Variants in GALNT14 observed in about 807,000 individuals in gnomAD.
GALNT14 encodes polypeptide N-acetylgalactosaminyltransferase 14.
Under a neutral mutation model 77.5 loss-of-function variants are expected in GALNT14, and 60 were observed. The observed-to-expected ratio is 0.77, with a 90% CI of 0.63 to 0.96. The LOEUF (loss-of-function observed/expected upper bound fraction) is 0.96, where lower values mean the gene tolerates loss of function less well. GALNT14 is among the 40% of genes least tolerant of loss of function. The probability of loss-of-function intolerance (pLI) is 0.00; values close to 1 mark genes in which losing one functional copy is unlikely to be tolerated. For missense variants in GALNT14, 710 were observed against 731.0 expected, an observed-to-expected ratio of 0.97 and a Z score of 0.33; for synonymous variants, 280 against 281.7, an observed-to-expected ratio of 0.99 and a Z score of 0.06.
chr2:31,057,293 TTATATATA>T lies in GALNT14; in HGVS notation c.130-64294_130-64287del, dbSNP rs10638502. 4.9e-3 allele frequency among the ~76,000 whole-genome samples: 626 copies of T among 128,972 alleles called. 2 individuals are homozygous for T. The highest frequency in any genetic ancestry group is 0.032 in the Middle Eastern group (8 of 248). The allele number at this position is 128,972 out of a possible 152,430, so 84.6% of individuals were successfully genotyped here. On this transcript the variant is annotated intron_variant, in intron 1 of 14. Transcript: ENST00000349752. The stretch of plus-strand genomic sequence containing the variant: ...GCCCTATGAATCTAAAAAGTTGAAA[TTATATATA>T]TATATATATATATATAAAATTATAT...
the GALNT14 span, among the ~76,000 whole-genome samples, chr2:30,888,202 T>A: frequency 6.6e-6 from 1 of 152,222 alleles, no homozygotes; most frequent in Non-Finnish European, 1.5e-5. Context: ...GCCATCTGTC[T>A]GCACTCTAAG....
chr2:31,074,240 C>A (rs1558549461), intron 1 of GALNT14, among the ~76,000 whole-genome samples: 1 of 152,102 alleles, frequency 6.6e-6, no homozygotes, highest in Non-Finnish European at 1.5e-5. Flanking sequence ...CCTGATGGGT[C>A]CCACTCTGAG....
rs143887431 is a variant in GALNT14, at chr2:31,073,386, G to T, written c.129+64572C>A. Among the ~76,000 whole-genome samples, 419 of 152,000 alleles carry T rather than the reference G, an allele frequency of 2.8e-3. 9 individuals carry two copies. Among genetic ancestry groups the T allele is most frequent in the Non-Finnish European group, 6.8e-4 (46 of 67,994 alleles). On this transcript the variant is annotated intron_variant, in intron 1 of 14. Coordinates refer to ENST00000349752, the MANE Select transcript of GALNT14 (RefSeq NM_024572.4). ...GAAATAGAATAGTCAAAAAAACAAA[G>T]ATTTTGCCCTTGTGGACCTTGCATT...
intron 2 of GALNT14, among the ~76,000 whole-genome samples, chr2:30,968,834 C>A (rs986798781): frequency 3.9e-5 from 6 of 152,182 alleles, no homozygotes; most frequent in African/African-American, 1.4e-4. Context: ...AAGGAGAATG[C>A]CTTGAAACAG....
chr2:31,124,208 C>T (rs971994111), intron 1 of GALNT14, among the ~76,000 whole-genome samples: 1 of 152,212 alleles, frequency 6.6e-6, no homozygotes, highest in Admixed American at 6.5e-5. Flanking sequence ...GGAGTTCACC[C>T]ATCTTTCCTG....
chr2:30,936,289 T>G (rs573957851), intron 9 of GALNT14, among the ~76,000 whole-genome samples: 39 of 152,070 alleles, frequency 2.6e-4, no homozygotes, highest in African/African-American at 8.4e-4. Flanking sequence ...AGCCCATGGA[T>G]GGTGGGCAGG....
intron 2 of GALNT14, among the ~76,000 whole-genome samples, chr2:30,969,362 G>A (rs1283830761): frequency 1.3e-5 from 2 of 152,312 alleles, no homozygotes; most frequent in Admixed American, 1.3e-4. Context: ...CCACATGCTG[G>A]GAGGCAGGGG....
rs142189940 is a variant in GALNT14 at position 30,957,911 on chromosome 2, T to G, written c.466+486A>C. On this transcript the variant is annotated intron_variant, in intron 4 of 14. Coordinates refer to ENST00000349752, the MANE Select transcript of GALNT14 (RefSeq NM_024572.4). Reference sequence around the variant, plus strand: ...AATGCTTCAACTATTACTGTACATTTCAAATTTGATGCACAGTGTCTGGTA... The same window carrying G: ...AATGCTTCAACTATTACTGTACATTGCAAATTTGATGCACAGTGTCTGGTA... Among the ~76,000 whole-genome samples the G allele has an allele frequency of 6.1e-3, 926 of 152,330 alleles. 7 individuals carry two copies. Among genetic ancestry groups the G allele is most frequent in the African/African-American group, 0.02 (847 of 41,582 alleles).
chr2:31,078,638 T>A (rs1193111388), intron 1 of GALNT14, among the ~76,000 whole-genome samples: 1 of 152,108 alleles, frequency 6.6e-6, no homozygotes, highest in African/African-American at 2.4e-5. Context: ...ATGTGAGCTG[T>A]CTTGAGGCTA....
intron 9 of GALNT14, among the ~76,000 whole-genome samples, chr2:30,938,720 G>C (rs1273798775): frequency 6.6e-6 from 1 of 152,204 alleles, no homozygotes; most frequent in Non-Finnish European, 1.5e-5. Flanking sequence ...ATCAGTGGCT[G>C]CTTCTAACCC....
At chr2:31,030,555 G>A (rs2148478802) in intron 1 of GALNT14, among the ~76,000 whole-genome samples, 1 of 152,252 alleles carries the variant, frequency 6.6e-6, no homozygotes, top group African/African-American at 2.4e-5. Flanking sequence ...AAAGTGGGTG[G>A]CACTTCTATC....
chr2:31,081,299 T>G (rs1290293431), intron 1 of GALNT14, among the ~76,000 whole-genome samples: 1 of 152,210 alleles, frequency 6.6e-6, no homozygotes, highest in Non-Finnish European at 1.5e-5. Flanking sequence ...AATATCAAGT[T>G]TGTCATTACA....
At chr2:30,938,109 A>C (rs1396669745) in intron 9 of GALNT14, among the ~76,000 whole-genome samples, 1 of 148,514 alleles carries the variant, frequency 6.7e-6, no homozygotes, top group East Asian at 2.0e-4. Context: ...CCCTGACTAC[A>C]TTCTGGGACA....
intron 1 of GALNT14, among the ~76,000 whole-genome samples, chr2:31,087,692 C>A (rs777426295): frequency 2.0e-5 from 3 of 152,104 alleles, no homozygotes; most frequent in Non-Finnish European, 2.9e-5. Context: ...AGCAGCCAAC[C>A]GTGTGGAATG....
Position 30,932,154 on chromosome 2 carries a change from C to T in GALNT14, c.972G>A (p.Glu324=), listed in dbSNP as rs143757721. 1.2e-3 allele frequency: 1,898 copies of T among 1,558,228 alleles called. 4 individuals carry two copies. Among genetic ancestry groups the T allele is most frequent in the Middle Eastern group, 3.4e-3 (20 of 5,854 alleles). The part of the protein sequence containing the change: ...FRVWMCGGSL[E]IVPCSRVGHV... ...GCCCCACTCGGCTGCAGGGGACGAT[C>T]TCTAGGCTGCCCCCGCACATCCACA... The change falls in exon 10 of 15, where the codon GAG becomes GAA. Residue 324 remains glutamate (E), a synonymous_variant. Coordinates refer to ENST00000349752, the MANE Select transcript of GALNT14 (RefSeq NM_024572.4).
intron 1 of GALNT14, among the ~76,000 whole-genome samples, chr2:31,046,182 G>C (rs1300408465): frequency 6.6e-6 from 1 of 151,154 alleles, no homozygotes; most frequent in African/African-American, 2.4e-5. Context: ...TGAAGTATCA[G>C]ATATGGGGTT....
intron 9 of GALNT14, among the ~76,000 whole-genome samples, chr2:30,938,384 A>ACACACACACACACACACACT (rs1174119035): frequency 6.4e-5 from 9 of 141,692 alleles, no homozygotes; most frequent in African/African-American, 2.4e-4. Flanking sequence ...ACACACACAC[A>ACACACACACACACACACACT]CTCTCTCTCT....
intron 1 of GALNT14, among the ~76,000 whole-genome samples, chr2:31,089,107 T>G (rs1268389657): frequency 6.6e-6 from 1 of 152,230 alleles, no homozygotes; most frequent in Non-Finnish European, 1.5e-5. Context: ...AATGTCTTTC[T>G]AATTTTCTCT....
chr2:30,966,573 G>A (rs2303320), intron 2 of GALNT14, among the ~76,000 whole-genome samples: 23,700 of 152,140 alleles, frequency 0.16, 1,957 homozygotes, highest in East Asian at 0.32. Context: ...CTGAAAATAA[G>A]TGTGGTATTT....
Sources: gnomAD v4.1 joint callset for allele counts (sites outside exome capture counted in the v4.1 genomes callset) on GRCh38, gnomAD v4.1.1 for gene constraint, MANE v1.5 for transcripts, NCBI Gene and HGNC (gene_info 2026-07-23, HGNC 2026-07-21) for gene names.